The following TRIM36 variants were observed in gnomAD, a reference collection of about 807,000 sequenced individuals.
TRIM36 encodes the protein tripartite motif containing 36, also known as E3 ubiquitin-protein ligase TRIM36.
In TRIM36, 42 loss-of-function variants were observed where a neutral mutation model predicts 72.4. The ratio of observed to expected loss-of-function variants is 0.58; its 90% CI spans 0.45 to 0.75. TRIM36 has a LOEUF of 0.75. Among genes scored for constraint, TRIM36 ranks in the 30% least tolerant of loss-of-function variants. The pLI is 0.00. For synonymous variants in TRIM36, 315 were observed against 282.8 expected, an observed-to-expected ratio of 1.11 and a Z score of -1.14; for missense variants, 913 against 857.1, an observed-to-expected ratio of 1.07 and a Z score of -0.81.
chr5:115,126,614 T>A lies in TRIM36; in HGVS notation c.2040A>T (p.Gln680His). 3.1e-6 allele frequency: 5 copies of A among 1,614,200 alleles called. No individual in the cohort carries two copies. Among genetic ancestry groups the A allele is most frequent in the Non-Finnish European group, 3.4e-6 (4 of 1,180,020 alleles). Residue 680 changes from glutamine (Q) to histidine (H), a missense_variant, in exon 10 of 10, where the codon CAA becomes CAT. Gln to His is a conservative substitution (Grantham distance 24). Coordinates refer to ENST00000513154, the MANE Select transcript of TRIM36 (RefSeq NM_001300759.2). ...GATACAGTGTATGTGAACAGTCCAC[T>A]TGGCGTTCATAAAGGCATTTCATCT... The part of the protein sequence containing the change: ...MDQMKCLYER[Q>H]VDCSHTLYPA...
At chr5:115,132,732 TAAA>T (rs1295809951) in intron 8 of TRIM36, among the ~76,000 whole-genome samples, 1 of 152,086 alleles carries the variant, frequency 6.6e-6, no homozygotes, top group Non-Finnish European at 1.5e-5. Context: ...TCTTCTCTCA[TAAA>T]AAGGAAGACA....
At chr5:115,158,193 T>C (rs185507222) in intron 2 of TRIM36, among the ~76,000 whole-genome samples, 1 of 152,106 alleles carries the variant, frequency 6.6e-6, no homozygotes, top group African/African-American at 2.4e-5. Context: ...GACCAAGAAA[T>C]GCAATTTTAT....
At chr5:115,147,915 T>C (rs1182290250) in intron 2 of TRIM36, among the ~76,000 whole-genome samples, 2 of 152,222 alleles carry the variant, frequency 1.3e-5, no homozygotes, top group Non-Finnish European at 2.9e-5. Context: ...TATATACATA[T>C]ACATATTTAC....
Position 115,169,691 on chromosome 5 carries a change from C to G in TRIM36, c.-57G>C. ...CGTTCCACTCACACCGGCTACCGAG[C>G]GCAGGGTCTGGTGGGCGGGTCCCTG... On this transcript the variant is annotated 5_prime_UTR_variant, in exon 1 of 10. Coordinates refer to ENST00000513154, the MANE Select transcript of TRIM36 (RefSeq NM_001300759.2). 6.6e-7 allele frequency: 1 copy of G among 1,508,444 alleles called. No individual in the cohort carries two copies. The highest frequency in any genetic ancestry group is 8.8e-7 in the Non-Finnish European group (1 of 1,131,220). The allele number at this position is 1,508,444 out of a possible 1,614,324, so 93.4% of individuals were successfully genotyped here. A position where few individuals can be genotyped will look rare whatever the true frequency, so the allele number is the denominator to read the frequency against.
intron 7 of TRIM36, among the ~76,000 whole-genome samples, chr5:115,134,676 G>A (rs1255328997): frequency 6.6e-6 from 1 of 152,018 alleles, no homozygotes; most frequent in Non-Finnish European, 1.5e-5. Context: ...AAGTAGCTGG[G>A]ATTACAGGTG....
intron 2 of TRIM36, among the ~76,000 whole-genome samples, chr5:115,153,136 AAGAG>A (rs1480678099): frequency 6.6e-6 from 1 of 152,206 alleles, no homozygotes; most frequent in Non-Finnish European, 1.5e-5. Context: ...TGCTGCCTTC[AAGAG>A]ACTCACCTAA....
intron 1 of TRIM36, among the ~76,000 whole-genome samples, chr5:115,165,778 C>T (rs573863526): frequency 6.6e-6 from 1 of 152,130 alleles, no homozygotes; most frequent in Non-Finnish European, 1.5e-5. Context: ...TAGGGCATTC[C>T]TATGCTCTCG....
chr5:115,140,203 G>GA lies in TRIM36; in HGVS notation c.831+1075dup, dbSNP rs891598602. Among the ~76,000 whole-genome samples, 17 of 152,046 alleles carry GA rather than the reference G, an allele frequency of 1.1e-4. 1 individual carries two copies. In the East Asian group the frequency reaches 2.9e-3, roughly 26 times the overall value. On this transcript the variant is annotated intron_variant, in intron 5 of 9. Coordinates refer to ENST00000513154, the MANE Select transcript of TRIM36 (RefSeq NM_001300759.2). Reference sequence around the variant, plus strand: ...TTCTCAATAATTTCAACCTATATTGGAAAAAAACTTCTTCAAGTAACAGTG... The same window carrying GA: ...TTCTCAATAATTTCAACCTATATTGGAAAAAAAACTTCTTCAAGTAACAGTG...
intron 2 of TRIM36, chr5:115,148,318 A>G (rs1753701366): frequency 1.0e-6 from 1 of 984,228 alleles, no homozygotes; most frequent in Non-Finnish European, 1.2e-6. Context: ...CAAGAAACCA[A>G]TGCATGACAG....
At chr5:115,131,003 G>C in intron 8 of TRIM36, 114 bp from the exon 9 acceptor site, 1 of 1,189,912 alleles carries the variant, frequency 8.4e-7, no homozygotes, top group Non-Finnish European at 1.2e-6. Flanking sequence ...CGGGAAGGAG[G>C]TGTCACACTA....
intron 3 of TRIM36, 39 bp from the exon 4 acceptor site, chr5:115,144,783 G>T (rs537075633): frequency 3.2e-6 from 5 of 1,554,084 alleles, no homozygotes; most frequent in Non-Finnish European, 4.3e-6. Context: ...AAGGATCTAG[G>T]TTTCAAGTAA....
intron 3 of TRIM36, 29 bp downstream of exon 3, chr5:115,147,040 C>G: frequency 6.5e-7 from 1 of 1,543,796 alleles, no homozygotes; most frequent in Non-Finnish European, 8.8e-7. Flanking sequence ...GTTAAAATAA[C>G]ATTCTAACTT....
upstream of TRIM36, among the ~76,000 whole-genome samples, chr5:115,171,971 C>A (rs1755134567): frequency 6.6e-6 from 1 of 152,186 alleles, no homozygotes; most frequent in Non-Finnish European, 1.5e-5. Flanking sequence ...ATGTTTAAGA[C>A]CTTATATTAG....
intron 1 of TRIM36, among the ~76,000 whole-genome samples, chr5:115,168,641 C>T (rs1287139240): frequency 2.0e-5 from 3 of 152,182 alleles, no homozygotes; most frequent in Admixed American, 1.3e-4. Flanking sequence ...CTTGCTGCAT[C>T]ACTCAAATAT....
chr5:115,171,060 G>A (rs1350701527), upstream of TRIM36: 1 of 1,612,662 alleles, frequency 6.2e-7, no homozygotes, highest in Non-Finnish European at 8.5e-7. Flanking sequence ...GCCCTAAATT[G>A]CTGGGTAAGT....
chr5:115,142,540 T>C (rs936146833), intron 4 of TRIM36, among the ~76,000 whole-genome samples: 3 of 152,172 alleles, frequency 2.0e-5, no homozygotes, highest in African/African-American at 7.2e-5. Context: ...TTCGGACACA[T>C]GATGTAAAAG....
chr5:115,150,230 G>C (rs1436367028), intron 2 of TRIM36, among the ~76,000 whole-genome samples: 1 of 152,130 alleles, frequency 6.6e-6, no homozygotes, highest in Non-Finnish European at 1.5e-5. Context: ...CAAGGCAATG[G>C]AATTAAGAAC....
chr5:115,160,233 A>G (rs1466579767), intron 2 of TRIM36, among the ~76,000 whole-genome samples: 1 of 152,196 alleles, frequency 6.6e-6, no homozygotes, highest in African/African-American at 2.4e-5. Flanking sequence ...ATCTAATGCA[A>G]AATAATCCAA....
rs987043887 is a variant in TRIM36, at chr5:115,139,067, C to T, written c.832-1451G>A. Among the ~76,000 whole-genome samples, 3 of 152,162 alleles carry T rather than the reference C, an allele frequency of 2.0e-5. No homozygotes were observed. The South Asian group carries it at 6.2e-4, about 32-fold the overall frequency. On this transcript the variant is annotated intron_variant, in intron 5 of 9. Transcript: ENST00000513154. ...ATCTCCTGACCTCATGATCTGCCTG[C>T]CTCGGCCTCTCAAAGTGCTGGGATT... is the stretch of plus-strand genomic sequence containing the variant.
Sources: allele counts gnomAD v4.1 joint callset (sites outside exome capture counted in the v4.1 genomes callset), GRCh38; gene constraint gnomAD v4.1.1; transcripts MANE v1.5; gene names NCBI Gene and HGNC (gene_info 2026-07-23, HGNC 2026-07-21).